PDE7A: variants seen among roughly 807,000 people sequenced by gnomAD.
PDE7A encodes the protein high affinity 3',5'-cyclic-AMP phosphodiesterase 7A.
In PDE7A, 39 loss-of-function variants were observed where a neutral mutation model predicts 64.3. The observed-to-expected ratio is 0.61, with a 90% CI of 0.47 to 0.79. The LOEUF (loss-of-function observed/expected upper bound fraction) is 0.79, where lower values mean the gene tolerates loss of function less well. PDE7A is among the 30% of genes least tolerant of loss of function. The pLI is 0.00. For synonymous variants in PDE7A, 203 were observed against 206.8 expected, an observed-to-expected ratio of 0.98 and a Z score of 0.16; for missense variants, 470 against 582.8, an observed-to-expected ratio of 0.81 and a Z score of 1.99.
chr8:65,779,197 T>G (rs759011319), intron 3 of PDE7A, among the ~76,000 whole-genome samples: 1 of 152,230 alleles, frequency 6.6e-6, no homozygotes, highest in African/African-American at 2.4e-5. Flanking sequence ...CAGAAACAGA[T>G]TTAATATGTT....
chr8:65,717,166 G>A lies in PDE7A; in HGVS notation c.*2124C>T, dbSNP rs1389906911. Reference sequence around the variant, plus strand: ...GCTACTAGAAAACCGAAAATTATGTGGCTTGGATTCTGTTTCTATTGGACA... The same window carrying A: ...GCTACTAGAAAACCGAAAATTATGTAGCTTGGATTCTGTTTCTATTGGACA... On this transcript the variant is annotated 3_prime_UTR_variant, in exon 13 of 13. Transcript: ENST00000401827. Among the ~76,000 whole-genome samples the A allele has an allele frequency of 6.6e-6, 1 of 152,124 alleles. No individual in the cohort carries two copies. Among genetic ancestry groups the A allele is most frequent in the Non-Finnish European group, 1.5e-5 (1 of 68,016 alleles).
At chr8:65,780,242 C>T (rs769290598) in intron 2 of PDE7A, among the ~76,000 whole-genome samples, 30 of 151,804 alleles carry the variant, frequency 2.0e-4, no homozygotes, top group Non-Finnish European at 3.8e-4. Flanking sequence ...TATTAAGAGC[C>T]GACTCTGTGC....
intron 1 of PDE7A, among the ~76,000 whole-genome samples, chr8:65,805,104 A>C (rs1293045802): frequency 6.6e-6 from 1 of 152,166 alleles, no homozygotes; most frequent in African/African-American, 2.4e-5. Flanking sequence ...TCAGCCTCCC[A>C]AAGTGTTGGG....
chr8:65,731,819 A>AAT, intron 7 of PDE7A, among the ~76,000 whole-genome samples: 1 of 152,240 alleles, frequency 6.6e-6, no homozygotes, highest in South Asian at 2.1e-4. Context: ...TTTCTCACAA[A>AAT]ATATATATAC....
intron 1 of PDE7A, among the ~76,000 whole-genome samples, chr8:65,799,497 G>C (rs1809939994): frequency 6.6e-6 from 1 of 152,164 alleles, no homozygotes; most frequent in South Asian, 2.1e-4. Flanking sequence ...TAACACAGCG[G>C]AAGACTTCAC....
chr8:65,744,345 A>G (rs918275020), intron 5 of PDE7A, among the ~76,000 whole-genome samples: 7 of 152,244 alleles, frequency 4.6e-5, no homozygotes, highest in Non-Finnish European at 1.0e-4. Context: ...ATAAAAATAT[A>G]CTAAAAGGTA....
chr8:65,825,551 ATATAT>A (rs1810650473), intron 1 of PDE7A, among the ~76,000 whole-genome samples: 1 of 152,232 alleles, frequency 6.6e-6, no homozygotes, highest in Non-Finnish European at 1.5e-5. Flanking sequence ...TAAGACTTGC[ATATAT>A]TATATTTATA....
At chr8:65,818,898 T>G (rs1490125607) in intron 1 of PDE7A, among the ~76,000 whole-genome samples, 3 of 152,142 alleles carry the variant, frequency 2.0e-5, no homozygotes, top group Admixed American at 1.3e-4. Flanking sequence ...CCCTTCAAAC[T>G]GAGGTCCTTA....
chr8:65,799,272 C>T (rs1453528231), intron 1 of PDE7A, among the ~76,000 whole-genome samples: 3 of 152,070 alleles, frequency 2.0e-5, no homozygotes, highest in African/African-American at 7.2e-5. Flanking sequence ...ACCCCACCCC[C>T]AACCCCCAGA....
chr8:65,730,902 G>A (rs544627174), intron 7 of PDE7A, among the ~76,000 whole-genome samples: 172 of 152,240 alleles, frequency 1.1e-3, no homozygotes, highest in African/African-American at 3.6e-3. Flanking sequence ...CAGCCTGGGC[G>A]ACAGAGTGAG....
chr8:65,788,927 C>T, intron 1 of PDE7A: 1 of 1,613,180 alleles, frequency 6.2e-7, no homozygotes, highest in Non-Finnish European at 8.5e-7. Flanking sequence ...GACACCAGAT[C>T]AATGTAATTC....
At chr8:65,785,639 G>A (rs2128924846) in intron 1 of PDE7A, among the ~76,000 whole-genome samples, 1 of 152,162 alleles carries the variant, frequency 6.6e-6, no homozygotes, top group Admixed American at 6.5e-5. Context: ...AGTAGCCTAG[G>A]AAGGGCATAT....
intron 7 of PDE7A, among the ~76,000 whole-genome samples, chr8:65,732,549 A>T (rs532400452): frequency 6.6e-6 from 1 of 152,306 alleles, no homozygotes; most frequent in African/African-American, 2.4e-5. Flanking sequence ...ATCTAAAGAT[A>T]GGTTGTCACC....
chr8:65,734,155 C>A (rs1217790204), intron 7 of PDE7A, among the ~76,000 whole-genome samples: 4 of 152,126 alleles, frequency 2.6e-5, no homozygotes, highest in African/African-American at 9.7e-5. Flanking sequence ...CAAGCCTTAC[C>A]CCCAAAACTT....
chr8:65,769,247 CAAAAAAAAAAA>C (rs61554087), intron 3 of PDE7A, among the ~76,000 whole-genome samples: 2 of 74,456 alleles, frequency 2.7e-5, no homozygotes, highest in Admixed American at 3.1e-4. Flanking sequence ...GACTCAGTCT[CAAAAAAAAAAA>C]AAAAAAAAAA....
In PDE7A at chr8:65,794,974, T is replaced by C. The variant is rs1029121325; in HGVS notation, c.139-12131A>G. 1.8e-4 allele frequency among the ~76,000 whole-genome samples: 27 copies of C among 152,246 alleles called. No homozygotes were observed. The South Asian group carries it at 3.9e-3, about 22-fold the overall frequency. On this transcript the variant is annotated intron_variant, in intron 1 of 12. Coordinates refer to ENST00000401827, the MANE Select transcript of PDE7A (RefSeq NM_001242318.3). ...CTTAAAAATGATGAATAAGAGCTTG[T>C]CAGGTACAGGCAGTGGGGAAAAGAG...
intron 3 of PDE7A, among the ~76,000 whole-genome samples, chr8:65,759,410 C>T (rs1295764225): frequency 6.6e-6 from 1 of 152,226 alleles, no homozygotes; most frequent in Non-Finnish European, 1.5e-5. Flanking sequence ...ACACCAAGGT[C>T]CCCACTTCCC....
intron 7 of PDE7A, among the ~76,000 whole-genome samples, chr8:65,730,759 C>T (rs913186055): frequency 6.6e-6 from 1 of 151,926 alleles, no homozygotes; most frequent in African/African-American, 2.4e-5. Context: ...AAAACCCCAT[C>T]TCTACTAAAA....
At chr8:65,799,894 TAGC>T (rs1241877847) in intron 1 of PDE7A, among the ~76,000 whole-genome samples, 1 of 152,188 alleles carries the variant, frequency 6.6e-6, no homozygotes, top group Non-Finnish European at 1.5e-5. Context: ...TCAAACTAAA[TAGC>T]AGCCCCTGAA....
Sources: allele counts gnomAD v4.1 joint callset (sites outside exome capture counted in the v4.1 genomes callset), GRCh38; gene constraint gnomAD v4.1.1; transcripts MANE v1.5; gene names NCBI Gene and HGNC (gene_info 2026-07-23, HGNC 2026-07-21).